Variants in SGCD observed in about 807,000 individuals in gnomAD.
SGCD encodes sarcoglycan delta.
SGCD carries 18 observed loss-of-function variants against 36.6 expected under a neutral mutation model. The observed-to-expected ratio is 0.49, with a 90% confidence interval of 0.34 to 0.73. SGCD has a LOEUF of 0.73. Ranked by LOEUF, SGCD falls within the 30% of genes least tolerant of loss-of-function variation. The pLI is 0.01. For missense variants in SGCD, 387 were observed against 346.7 expected (o/e 1.12, Z -0.92); for synonymous variants, 133 against 130.6 (o/e 1.02, Z -0.12).
rs577595138 is a variant in SGCD, at chr5:156,504,944, G to A, written c.193-3657G>A. On this transcript the variant is annotated intron_variant, in intron 3 of 8. Coordinates refer to ENST00000337851, the MANE Select transcript of SGCD (RefSeq NM_000337.6). ...TCGTATCATGCATGTAATCATATGCGTGTAAACATATCAATGTCTTCTGAC... is the reference window on the plus strand; with the variant it reads ...TCGTATCATGCATGTAATCATATGCATGTAAACATATCAATGTCTTCTGAC... Among the ~76,000 whole-genome samples the A allele has an allele frequency of 2.0e-4, 31 of 152,312 alleles. 1 individual carries two copies. The highest frequency in any genetic ancestry group is 1.0e-3 in the South Asian group (5 of 4,824).
intron 3 of SGCD, among the ~76,000 whole-genome samples, chr5:156,416,081 T>A (rs914737109): frequency 3.3e-5 from 5 of 152,228 alleles, no homozygotes; most frequent in Non-Finnish European, 7.3e-5. Flanking sequence ...CATATAAATT[T>A]GTCCTCCTTT....
chr5:156,484,180 C>T (rs565900319), intron 3 of SGCD, among the ~76,000 whole-genome samples: 5 of 152,238 alleles, frequency 3.3e-5, no homozygotes, highest in African/African-American at 7.2e-5. Context: ...AAAAGGGAAA[C>T]GTGAAATAAT....
At chr5:156,546,776 T>G (rs186496158) in intron 4 of SGCD, among the ~76,000 whole-genome samples, 17 of 152,314 alleles carry the variant, frequency 1.1e-4, no homozygotes, top group African/African-American at 3.8e-4. Context: ...AAAAGTTATA[T>G]CTTGACTTGT....
chr5:155,930,784 C>G (rs1320829130), intron 1 of SGCD, among the ~76,000 whole-genome samples: 1 of 152,138 alleles, frequency 6.6e-6, no homozygotes, highest in Admixed American at 6.5e-5. Flanking sequence ...AATTATCAAA[C>G]ATTGTTCATA....
rs552027779 is a variant in SGCD at position 156,767,342 on chromosome 5, T to C, written c.*7952T>C. 9 of 152,250 alleles carry C rather than the reference T, an allele frequency of 5.9e-5. No homozygotes were observed. Among genetic ancestry groups the C allele is most frequent in the African/African-American group, 2.2e-4 (9 of 41,526 alleles). The allele number at this position is 152,250 out of a possible 1,614,324, so 9.4% of individuals were successfully genotyped here. The stretch of plus-strand genomic sequence containing the variant: ...GATTATGAAGAAGCTGAGACATACT[T>C]CTTAAGGAGGTCGTGTTTTAGAAGG... On this transcript the variant is annotated 3_prime_UTR_variant, in exon 9 of 9. Coordinates refer to ENST00000337851, the MANE Select transcript of SGCD (RefSeq NM_000337.6).
chr5:156,159,478 A>AC (rs1763039559), intron 3 of SGCD, among the ~76,000 whole-genome samples: 1 of 151,602 alleles, frequency 6.6e-6, no homozygotes, highest in African/African-American at 2.4e-5. Context: ...CACTCATAAA[A>AC]AAAACAAAAC....
intron 1 of SGCD, among the ~76,000 whole-genome samples, chr5:155,995,798 T>TA (rs980931930): frequency 1.4e-4 from 21 of 148,756 alleles, no homozygotes; most frequent in East Asian, 3.9e-4. Context: ...AACCAATGGT[T>TA]AAAAAAAAAA....
At chr5:155,936,799 C>T (rs535651669) in intron 1 of SGCD, among the ~76,000 whole-genome samples, 2 of 152,328 alleles carry the variant, frequency 1.3e-5, no homozygotes, top group South Asian at 4.1e-4. Context: ...CCAGGCTGTT[C>T]ATGCCCAGGG....
chr5:155,828,982 CTATTAT>C, the SGCD span, among the ~76,000 whole-genome samples: 3 of 151,842 alleles, frequency 2.0e-5, no homozygotes, highest in African/African-American at 7.2e-5. Context: ...ATCACTTCTA[CTATTAT>C]TATTATTATT....
chr5:156,413,920 G>C (rs1368073467), intron 3 of SGCD, among the ~76,000 whole-genome samples: 2 of 152,170 alleles, frequency 1.3e-5, no homozygotes, highest in Non-Finnish European at 2.9e-5. Flanking sequence ...ACAGTACTGA[G>C]GTTTTGGAGA....
intron 3 of SGCD, among the ~76,000 whole-genome samples, chr5:156,458,698 G>T (rs1043943820): frequency 6.6e-6 from 1 of 152,004 alleles, no homozygotes; most frequent in Non-Finnish European, 1.5e-5. Context: ...AAGTTACCTT[G>T]TTAAGAGCTC....
chr5:155,818,899 T>C, the SGCD span, among the ~76,000 whole-genome samples: 7 of 152,198 alleles, frequency 4.6e-5, no homozygotes, highest in African/African-American at 1.7e-4. Context: ...TGACATAAAC[T>C]TTCAAGTAAT....
intron 4 of SGCD, among the ~76,000 whole-genome samples, chr5:156,568,521 A>C (rs1759588887): frequency 6.6e-6 from 1 of 152,216 alleles, no homozygotes; most frequent in Admixed American, 6.5e-5. Flanking sequence ...TAGTTGACTT[A>C]TTGGATCATA....
At chr5:156,436,827 C>T (rs1753266533) in intron 3 of SGCD, among the ~76,000 whole-genome samples, 1 of 152,146 alleles carries the variant, frequency 6.6e-6, no homozygotes, top group Non-Finnish European at 1.5e-5. Flanking sequence ...AACCACCCCT[C>T]CCAGAGACCC....
chr5:156,071,842 A>T (rs1581078622), intron 1 of SGCD, among the ~76,000 whole-genome samples: 1 of 152,206 alleles, frequency 6.6e-6, no homozygotes, highest in Non-Finnish European at 1.5e-5. Context: ...ATATTTAGAT[A>T]GTTAGCTCTT....
the SGCD span, among the ~76,000 whole-genome samples, chr5:155,854,072 T>C: frequency 6.6e-6 from 1 of 152,176 alleles, no homozygotes; most frequent in Non-Finnish European, 1.5e-5. Context: ...TTTTAAAAAA[T>C]CTTGCACAAC....
At chr5:156,466,885 T>C (rs1754743675) in intron 3 of SGCD, among the ~76,000 whole-genome samples, 1 of 152,068 alleles carries the variant, frequency 6.6e-6, no homozygotes, top group Non-Finnish European at 1.5e-5. Context: ...TTTTTTTTAA[T>C]GAAGAAAGAG....
intron 7 of SGCD, among the ~76,000 whole-genome samples, chr5:156,675,769 A>G (rs1418942200): frequency 6.6e-6 from 1 of 152,194 alleles, no homozygotes; most frequent in African/African-American, 2.4e-5. Flanking sequence ...GGGTGGCAGC[A>G]TTGTCTAAGA....
intron 3 of SGCD, among the ~76,000 whole-genome samples, chr5:156,181,541 A>T (rs1763607035): frequency 6.6e-6 from 1 of 152,204 alleles, no homozygotes; most frequent in Non-Finnish European, 1.5e-5. Context: ...CATTCCTAAC[A>T]TTTGCAACCA....
Sources: allele counts gnomAD v4.1 joint callset (sites outside exome capture counted in the v4.1 genomes callset), GRCh38; gene constraint gnomAD v4.1.1; transcripts MANE v1.5; gene names NCBI Gene and HGNC (gene_info 2026-07-23, HGNC 2026-07-21).